Variants in CLPTM1 observed in about 807,000 individuals in gnomAD.
CLPTM1 encodes the protein CLPTM1 regulator of GABA type A receptor forward trafficking, also known as putative lipid scramblase CLPTM1.
A neutral mutation model predicts 77.3 loss-of-function variants in CLPTM1; 21 were observed. That is an observed-to-expected ratio of 0.27 (90% CI 0.19 to 0.39). The LOEUF is 0.39. CLPTM1 is among the 10% of genes least tolerant of loss of function. The pLI, the probability that CLPTM1 is intolerant of heterozygous loss-of-function variation, is 1.00. For synonymous variants in CLPTM1, 373 were observed against 381.0 expected, an observed-to-expected ratio of 0.98 and a Z score of 0.24; for missense variants, 642 against 921.2, an observed-to-expected ratio of 0.70 and a Z score of 3.92.
Position 44,990,094 on chromosome 19 carries a change from CGTG to C in CLPTM1, c.1133-297_1133-295del, listed in dbSNP as rs1433112042. The C allele has an allele frequency of 2.5e-6, 1 of 399,896 alleles. No individual in the cohort carries two copies. Among genetic ancestry groups the C allele is most frequent in the Non-Finnish European group, 4.5e-6 (1 of 222,234 alleles). 24.8% of individuals were successfully genotyped at this position (399,896 alleles called of 1,614,324 possible). A position where few individuals can be genotyped will look rare whatever the true frequency, so the allele number is the denominator to read the frequency against. On this transcript the variant is annotated intron_variant, in intron 9 of 13. Coordinates refer to ENST00000337392, the MANE Select transcript of CLPTM1 (RefSeq NM_001294.4). The surrounding 1 kb of genome is among the most constrained non-coding windows in gnomAD (Gnocchi z 4.8). The stretch of plus-strand genomic sequence containing the variant: ...CCTGACCAGTCCTTAGCACCTGGCA[CGTG>C]GTGAGCCCTGTCCATGGCACCAGTC...
Position 44,977,148 on chromosome 19 carries a change from G to A in CLPTM1, c.469-195G>A, listed in dbSNP as rs74648405. Among the ~76,000 whole-genome samples the A allele has an allele frequency of 6.7e-3, 1,022 of 152,280 alleles. 15 individuals are homozygous for A. Among genetic ancestry groups the A allele is most frequent in the African/African-American group, 0.023 (955 of 41,554 alleles). On this transcript the variant is annotated intron_variant, in intron 4 of 13. Coordinates refer to ENST00000337392, the MANE Select transcript of CLPTM1 (RefSeq NM_001294.4). ...TGAGCTCACACGGCCATGGCAGGTAGAGCGGGCGTCTGAGTCTGTCTGACT... is the reference window on the plus strand; with the variant it reads ...TGAGCTCACACGGCCATGGCAGGTAAAGCGGGCGTCTGAGTCTGTCTGACT...
At position 44,988,078 on chromosome 19, in the gene CLPTM1, A is replaced by G; in HGVS notation, c.1039-2A>G. 1 of 1,610,640 alleles carries G rather than the reference A, an allele frequency of 6.2e-7. No homozygotes were observed. Among genetic ancestry groups the G allele is most frequent in the Non-Finnish European group, 8.5e-7 (1 of 1,176,788 alleles). ...GGCTGTGCTCACATGTGTCCCCTGC[A>G]GGTGGCCCTGCTGGAGACCAACCCC... On this transcript the variant is annotated splice_acceptor_variant, in intron 8 of 13. Coordinates refer to ENST00000337392, the MANE Select transcript of CLPTM1 (RefSeq NM_001294.4). LOFTEE classifies it high-confidence loss of function.
intron 2 of CLPTM1, among the ~76,000 whole-genome samples, chr19:44,967,657 C>CA (rs35893621): frequency 1.3e-4 from 17 of 135,458 alleles, no homozygotes; most frequent in South Asian, 5.1e-4. Context: ...AACTCTGTCC[C>CA]AAAAAAAAAA....
intron 2 of CLPTM1, 123 bp downstream of exon 2, chr19:44,962,198 C>CTTT: frequency 5.4e-6 from 2 of 370,728 alleles, no homozygotes; most frequent in Non-Finnish European, 4.7e-6. Flanking sequence ...TGCTTTTTTT[C>CTTT]TTTTTTTTTT....
chr19:44,992,515 G>T lies in CLPTM1; in HGVS notation c.1724-96G>T, dbSNP rs1232938175. ...CAGATGGGGTGCTCAGTCTGAGGGG[G>T]CTCGGCCCCGCCCTTGCATCACGCC... On this transcript the variant is annotated intron_variant, in intron 13 of 13. Transcript: ENST00000337392. This position sits in a 1 kb window ranked among gnomAD's most constrained non-coding sequence, Gnocchi z 7.7. 10 of 1,588,434 alleles carry T rather than the reference G, an allele frequency of 6.3e-6. No homozygotes were observed. The highest frequency in any genetic ancestry group is 1.7e-4 in the Middle Eastern group (1 of 6,002).
In CLPTM1 at chr19:44,990,705, CTG is replaced by C; in HGVS notation, c.1323+121_1323+122del. 7.4e-7 allele frequency: 1 copy of C among 1,350,424 alleles called. No individual in the cohort carries two copies. The highest frequency in any genetic ancestry group is 1.0e-6 in the Non-Finnish European group (1 of 961,262). 83.7% of individuals were successfully genotyped at this position (1,350,424 alleles called of 1,614,324 possible). Reference sequence around the variant, plus strand: ...CCCAGCAAGTGCCTCACTCCCAGGACTGAGGGGATTTTCTCACCAGGGGATTT... The same window carrying C: ...CCCAGCAAGTGCCTCACTCCCAGGACAGGGGATTTTCTCACCAGGGGATTT... On this transcript the variant is annotated intron_variant, in intron 10 of 13. Transcript: ENST00000337392. The surrounding 1 kb of genome is among the most constrained non-coding windows in gnomAD (Gnocchi z 4.8).
chr19:44,970,181 C>T (rs201176424), intron 2 of CLPTM1, among the ~76,000 whole-genome samples: 2 of 147,472 alleles, frequency 1.4e-5, no homozygotes, highest in South Asian at 2.1e-4. Flanking sequence ...CCTAGGTTTC[C>T]TTGCACCAGG....
chr19:44,991,196 G>C lies in CLPTM1; in HGVS notation c.1420-42G>C. ...GGCGGGGAGCAGGGCTGCCAGGCAG[G>C]GCTGAGGAGCTGGCTGACAGCCCCA... On this transcript the variant is annotated intron_variant, in intron 11 of 13. Coordinates refer to ENST00000337392, the MANE Select transcript of CLPTM1 (RefSeq NM_001294.4). The surrounding 1 kb of genome is among the most constrained non-coding windows in gnomAD (Gnocchi z 5.4). 6.2e-7 allele frequency: 1 copy of C among 1,611,248 alleles called. No homozygotes were observed. The highest frequency in any genetic ancestry group is 8.5e-7 in the Non-Finnish European group (1 of 1,178,356).
At chr19:44,956,306 C>G (rs908338927) in intron 1 of CLPTM1, among the ~76,000 whole-genome samples, 1 of 152,160 alleles carries the variant, frequency 6.6e-6, no homozygotes, top group Non-Finnish European at 1.5e-5. Context: ...GTTCCTTTCC[C>G]TCTTTAGGCC....
intron 1 of CLPTM1, among the ~76,000 whole-genome samples, chr19:44,959,437 C>T (rs963163717): frequency 1.3e-5 from 2 of 152,120 alleles, no homozygotes; most frequent in African/African-American, 4.8e-5. Context: ...TCACTGTAGC[C>T]TCATTCTCCA....
Position 44,992,132 on chromosome 19 carries a change from C to T in CLPTM1, c.1556-101C>T. 1 of 1,258,040 alleles carries T rather than the reference C, an allele frequency of 7.9e-7. No individual in the cohort carries two copies. The highest frequency in any genetic ancestry group is 2.4e-5 in the East Asian group (1 of 42,328). The allele number at this position is 1,258,040 out of a possible 1,614,324, so 77.9% of individuals were successfully genotyped here. A position where few individuals can be genotyped will look rare whatever the true frequency, so the allele number is the denominator to read the frequency against. ...GGTATAGGAAGTGGTAGAGTGTGCC[C>T]AGGTGTAGGAAGTGGTGAGGGGGCT... is the stretch of plus-strand genomic sequence containing the variant. On this transcript the variant is annotated intron_variant, in intron 12 of 13. Transcript: ENST00000337392. This position sits in a 1 kb window ranked among gnomAD's most constrained non-coding sequence, Gnocchi z 7.7.
intron 2 of CLPTM1, among the ~76,000 whole-genome samples, chr19:44,972,804 G>A (rs1970742676): frequency 6.6e-6 from 1 of 151,934 alleles, no homozygotes; most frequent in African/African-American, 2.4e-5. Context: ...GTCACCAGGA[G>A]CTCCTGCAGG....
chr19:44,956,684 C>T (rs1055219514), intron 1 of CLPTM1, among the ~76,000 whole-genome samples: 11 of 152,138 alleles, frequency 7.2e-5, no homozygotes, highest in Admixed American at 7.2e-4. Context: ...GTCGTTTCCC[C>T]TCTGGGTTTC....
chr19:44,991,388 C>A lies in CLPTM1; in HGVS notation c.1555+15C>A. On this transcript the variant is annotated intron_variant, in intron 12 of 13. Coordinates refer to ENST00000337392, the MANE Select transcript of CLPTM1 (RefSeq NM_001294.4). This position sits in a 1 kb window ranked among gnomAD's most constrained non-coding sequence, Gnocchi z 5.4. ...GCTGACCTTCGGTGAGCGGTCCGGC[C>A]GCCCCAGGAGAGAGCAGGCCCCATG... is the stretch of plus-strand genomic sequence containing the variant. 6.2e-7 allele frequency: 1 copy of A among 1,608,648 alleles called. No individual in the cohort carries two copies. Among genetic ancestry groups the A allele is most frequent in the South Asian group, 1.1e-5 (1 of 91,030 alleles).
chr19:44,986,277 C>T (rs957960565), intron 6 of CLPTM1, among the ~76,000 whole-genome samples, 178 bp from the exon 7 acceptor site: 1 of 14,632 alleles, frequency 6.8e-5, no homozygotes, highest in South Asian at 3.5e-3. Context: ...GTGGGAGGAT[C>T]GTGCTTGAGC....
At chr19:44,960,502 G>T (rs961545032) in intron 1 of CLPTM1, among the ~76,000 whole-genome samples, 2 of 152,206 alleles carry the variant, frequency 1.3e-5, no homozygotes, top group Non-Finnish European at 2.9e-5. Context: ...TATAGCTGAG[G>T]TCTGTTTGAC....
At chr19:44,984,881 G>T (rs1339461093) in intron 5 of CLPTM1, among the ~76,000 whole-genome samples, 1 of 152,024 alleles carries the variant, frequency 6.6e-6, no homozygotes, top group Non-Finnish European at 1.5e-5. Flanking sequence ...GAGACGGGGG[G>T]TTTCACCATG....
At chr19:44,986,029 G>T (rs978568442) in intron 6 of CLPTM1, among the ~76,000 whole-genome samples, 1 of 152,146 alleles carries the variant, frequency 6.6e-6, no homozygotes, top group Non-Finnish European at 1.5e-5. Flanking sequence ...CCTTCTGCCA[G>T]CAGTTGCTGT....
rs1282517452 is a variant in CLPTM1 at position 44,991,082 on chromosome 19, A to G, written c.1419+137A>G. On this transcript the variant is annotated intron_variant, in intron 11 of 13. Transcript: ENST00000337392. This position sits in a 1 kb window ranked among gnomAD's most constrained non-coding sequence, Gnocchi z 5.4. ...ACATCCTCTGTGTCCCCCATCTGCC[A>G]TAACTGCTTCCCTGGGCGAGTCCGG... 5 of 1,237,232 alleles carry G rather than the reference A, an allele frequency of 4.0e-6. No homozygotes were observed. Among genetic ancestry groups the G allele is most frequent in the Non-Finnish European group, 5.4e-6 (5 of 930,250 alleles). The allele number at this position is 1,237,232 out of a possible 1,614,324, so 76.6% of individuals were successfully genotyped here.
Sources: gnomAD v4.1 joint callset for allele counts (sites outside exome capture counted in the v4.1 genomes callset) on GRCh38, gnomAD v4.1.1 for gene constraint, Gnocchi (gnomAD v3.1) non-coding constraint, MANE v1.5 for transcripts, NCBI Gene and HGNC (gene_info 2026-07-23, HGNC 2026-07-21) for gene names.